CR1L: variants seen among roughly 807,000 people sequenced by gnomAD.
CR1L encodes complement component receptor 1-like protein.
CR1L carries 59 observed loss-of-function variants against 62.3 expected under a neutral mutation model. The ratio of observed to expected loss-of-function variants is 0.95; its 90% CI spans 0.77 to 1.18. The LOEUF (loss-of-function observed/expected upper bound fraction) is 1.18, where lower values mean the gene tolerates loss of function less well. Among genes scored for constraint, CR1L ranks in the 50% most tolerant of loss-of-function variants. The pLI is 0.00. For missense variants in CR1L, 700 were observed against 702.8 expected (o/e 1.00, Z 0.04); for synonymous variants, 279 against 248.7 (o/e 1.12, Z -1.15).
chr1:207,676,325 G>A (rs747766944), intron 1 of CR1L, among the ~76,000 whole-genome samples: 9 of 152,048 alleles, frequency 5.9e-5, no homozygotes, highest in East Asian at 5.8e-4. Flanking sequence ...GGCATAAACC[G>A]GTACTGTCCG....
chr1:207,657,181 A>G (rs1663327753), intron 1 of CR1L: 8 of 1,019,990 alleles, frequency 7.8e-6, no homozygotes, highest in South Asian at 6.4e-5. Flanking sequence ...TTAGTGAAGT[A>G]GAAGTATTTG....
intron 1 of CR1L, chr1:207,657,559 A>C (rs538476270): frequency 4.0e-6 from 1 of 249,846 alleles, no homozygotes; most frequent in African/African-American, 2.2e-5. Context: ...TGTAATCTGC[A>C]TGAGTTAGAA....
intron 10 of CR1L, among the ~76,000 whole-genome samples, chr1:207,712,250 A>C (rs1381410957): frequency 6.6e-6 from 1 of 152,262 alleles, no homozygotes; most frequent in Non-Finnish European, 1.5e-5. Flanking sequence ...CTCAGGTGAC[A>C]GTCTCATTAC....
chr1:207,662,220 T>G (rs2102446704), intron 1 of CR1L, among the ~76,000 whole-genome samples: 1 of 152,356 alleles, frequency 6.6e-6, no homozygotes. Context: ...GAAGTTCTCC[T>G]GGATAATATC....
At chr1:207,657,842 C>T (rs753433572) in intron 1 of CR1L, among the ~76,000 whole-genome samples, 3 of 152,204 alleles carry the variant, frequency 2.0e-5, no homozygotes, top group Non-Finnish European at 4.4e-5. Context: ...AAAGTATATA[C>T]TTCCCAAGTA....
At chr1:207,723,344 C>G (rs1654179681) in intron 11 of CR1L, among the ~76,000 whole-genome samples, 1 of 151,652 alleles carries the variant, frequency 6.6e-6, no homozygotes, top group Non-Finnish European at 1.5e-5. Flanking sequence ...GCACGAGAAT[C>G]CCTTGAACCC....
At chr1:207,714,845 C>A (rs1474692528) in intron 10 of CR1L, among the ~76,000 whole-genome samples, 1 of 152,094 alleles carries the variant, frequency 6.6e-6, no homozygotes, top group African/African-American at 2.4e-5. Flanking sequence ...TGGCCTGTTA[C>A]ATTTGGAGTG....
chr1:207,656,607 G>C (rs1663315062), intron 1 of CR1L, among the ~76,000 whole-genome samples: 1 of 152,136 alleles, frequency 6.6e-6, no homozygotes, highest in African/African-American at 2.4e-5. Flanking sequence ...GGTTTGGGGA[G>C]GCCTCAGGAA....
chr1:207,652,764 T>C (rs1360343939), intron 1 of CR1L: 1 of 727,410 alleles, frequency 1.4e-6, no homozygotes, highest in African/African-American at 1.8e-5. Context: ...TTTTTTTGTT[T>C]TCTGCTTGCT....
intron 4 of CR1L, among the ~76,000 whole-genome samples, chr1:207,686,712 T>A (rs1305337938): frequency 1.3e-5 from 2 of 152,242 alleles, no homozygotes; most frequent in African/African-American, 4.8e-5. Context: ...TGGTATTTAG[T>A]ATATTCATAA....
At chr1:207,670,145 G>A (rs1231840311) in intron 1 of CR1L, among the ~76,000 whole-genome samples, 1 of 150,904 alleles carries the variant, frequency 6.6e-6, no homozygotes, top group African/African-American at 2.5e-5. Context: ...TGCTCCCAGT[G>A]GTGTTTAGAC....
intron 9 of CR1L, among the ~76,000 whole-genome samples, chr1:207,703,072 G>T (rs1236467592): frequency 6.6e-6 from 1 of 152,166 alleles, no homozygotes; most frequent in African/African-American, 2.4e-5. Context: ...TGAGGTTTAA[G>T]GAAAGAAGTC....
intron 1 of CR1L, among the ~76,000 whole-genome samples, chr1:207,654,453 T>C (rs114670454): frequency 0.017 from 2,532 of 152,226 alleles, 60 homozygotes; most frequent in African/African-American, 0.056. Flanking sequence ...CAAACCAAAA[T>C]ACTAAATGAG....
intron 9 of CR1L, among the ~76,000 whole-genome samples, chr1:207,707,625 C>T (rs1434065571): frequency 6.6e-6 from 1 of 151,922 alleles, no homozygotes; most frequent in Non-Finnish European, 1.5e-5. Flanking sequence ...CAGACTCCGT[C>T]TAAAAAAACA....
At chr1:207,674,129 T>C (rs1225492323) in intron 1 of CR1L, among the ~76,000 whole-genome samples, 1 of 152,216 alleles carries the variant, frequency 6.6e-6, no homozygotes, top group East Asian at 1.9e-4. Flanking sequence ...TATGAAATTT[T>C]AGAAAGTCAA....
chr1:207,653,724 A>G (rs960086), intron 1 of CR1L, among the ~76,000 whole-genome samples: 59,164 of 151,720 alleles, frequency 0.39, 11,662 homozygotes, highest in African/African-American at 0.42. Context: ...TTAAAGTCAT[A>G]GATATTGGGG....
In CR1L at chr1:207,677,399, T is replaced by C. The variant is rs1271512787; in HGVS notation, c.108T>C (p.Asn36=). Residue 36 remains asparagine (N), a synonymous_variant, in exon 2 of 12, where the codon AAT becomes AAC. Transcript: ENST00000508064. ...GGTCTTGATCCCCAGATCAATGCAA[T>C]GTCCCGGAATGGCTTCCATTTGCCA... ...LLLSSFSDQC[N]VPEWLPFARP... 1 of 1,602,610 alleles carries C rather than the reference T, an allele frequency of 6.2e-7. No homozygotes were observed. The highest frequency in any genetic ancestry group is 1.4e-5 in the African/African-American group (1 of 73,722).
chr1:207,647,841 C>T (rs1663154856), intron 1 of CR1L, among the ~76,000 whole-genome samples: 1 of 152,044 alleles, frequency 6.6e-6, no homozygotes, highest in African/African-American at 2.4e-5. Flanking sequence ...ATCATTAAAA[C>T]GTTCATTTTG....
chr1:207,647,533 C>G (rs1306532090), intron 1 of CR1L, among the ~76,000 whole-genome samples: 3 of 152,196 alleles, frequency 2.0e-5, no homozygotes, highest in African/African-American at 7.2e-5. Flanking sequence ...CTGTCTTCCC[C>G]CATTTGTGGT....
Sources: gnomAD v4.1 joint callset for allele counts (sites outside exome capture counted in the v4.1 genomes callset) on GRCh38, gnomAD v4.1.1 for gene constraint, MANE v1.5 for transcripts, NCBI Gene and HGNC (gene_info 2026-07-23, HGNC 2026-07-21) for gene names.